Variants in GRIK5 observed in about 807,000 individuals in gnomAD.
GRIK5 encodes the protein glutamate ionotropic receptor kainate type subunit 5, also known as glutamate receptor ionotropic, kainate 5.
In GRIK5, 43 loss-of-function variants were observed where a neutral mutation model predicts 97.4. That is an observed-to-expected ratio of 0.44 (90% CI 0.35 to 0.57). The LOEUF (loss-of-function observed/expected upper bound fraction) is 0.57, where lower values mean the gene tolerates loss of function less well. Ranked by LOEUF, GRIK5 falls within the 20% of genes least tolerant of loss-of-function variation. The pLI is 0.01. For synonymous variants in GRIK5, 580 were observed against 583.5 expected, an observed-to-expected ratio of 0.99 and a Z score of 0.09; for missense variants, 1,015 against 1,382.0, an observed-to-expected ratio of 0.73 and a Z score of 4.21.
Position 42,042,836 on chromosome 19 carries a change from G to T in GRIK5, c.1270-81C>A. The stretch of plus-strand genomic sequence containing the variant: ...CGGATCCTGGAGCCCGGACCAGGCA[G>T]GTAGAGCAGGAATCTGCTTGCTGAG... On this transcript the variant is annotated intron_variant, in intron 11 of 19. Transcript: ENST00000593562. This position sits in a 1 kb window ranked among gnomAD's most constrained non-coding sequence, Gnocchi z 6.9. 2 of 1,039,378 alleles carry T rather than the reference G, an allele frequency of 1.9e-6. No homozygotes were observed. Among genetic ancestry groups the T allele is most frequent in the South Asian group, 1.4e-5 (1 of 69,432 alleles). The allele number at this position is 1,039,378 out of a possible 1,614,324, so 64.4% of individuals were successfully genotyped here. A position where few individuals can be genotyped will look rare whatever the true frequency, so the allele number is the denominator to read the frequency against.
intron 15 of GRIK5, among the ~76,000 whole-genome samples, chr19:42,010,317 C>G (rs1487716863): frequency 1.3e-5 from 2 of 152,070 alleles, no homozygotes; most frequent in African/African-American, 4.8e-5. Context: ...GATGTAAGCT[C>G]CATAAACCCC....
At chr19:42,066,101 G>A (rs2076327652) in intron 1 of GRIK5, among the ~76,000 whole-genome samples, 1 of 152,162 alleles carries the variant, frequency 6.6e-6, no homozygotes. Flanking sequence ...ACCAAAACAG[G>A]AGGGAGGCGT....
chr19:42,012,377 A>G (rs1388467831), intron 15 of GRIK5, among the ~76,000 whole-genome samples: 1 of 152,062 alleles, frequency 6.6e-6, no homozygotes, highest in Non-Finnish European at 1.5e-5. Context: ...CAGCCTCCCG[A>G]GTAGCTGGAA....
At chr19:42,057,233 AGAGATTTTGCTAGAG>A (rs1205531444) in intron 6 of GRIK5, among the ~76,000 whole-genome samples, 2 of 152,184 alleles carry the variant, frequency 1.3e-5, no homozygotes, top group South Asian at 2.1e-4. Flanking sequence ...TTGCTAGAGG[AGAGATTTTGCTAGAG>A]GAGATTTTGC....
chr19:42,056,877 G>A (rs1273250803), intron 7 of GRIK5, 48 bp downstream of exon 7: 3 of 1,611,872 alleles, frequency 1.9e-6, no homozygotes, highest in Non-Finnish European at 2.5e-6. Context: ...TGGGACAGCT[G>A]TGATGGGAAG....
At position 41,999,643 on chromosome 19, in the gene GRIK5, T is replaced by C. The variant is rs992891602; in HGVS notation, c.2515-344A>G. Among the ~76,000 whole-genome samples the C allele has an allele frequency of 9.2e-5, 14 of 152,178 alleles. No individual in the cohort carries two copies. Among genetic ancestry groups the C allele is most frequent in the Non-Finnish European group, 1.9e-4 (13 of 68,042 alleles). ...TTTCCCATCTTCTGCCCCTCATCCATGCGTTCATTATTGCAAGGCATATTT... is the reference window on the plus strand; with the variant it reads ...TTTCCCATCTTCTGCCCCTCATCCACGCGTTCATTATTGCAAGGCATATTT... On this transcript the variant is annotated intron_variant, in intron 19 of 19. Coordinates refer to ENST00000593562, the MANE Select transcript of GRIK5 (RefSeq NM_002088.5). The surrounding 1 kb of genome is among the most constrained non-coding windows in gnomAD (Gnocchi z 5.0).
intron 15 of GRIK5, among the ~76,000 whole-genome samples, chr19:42,012,714 A>G (rs1287273857): frequency 2.6e-5 from 4 of 151,994 alleles, no homozygotes; most frequent in African/African-American, 9.7e-5. Context: ...ATCTCTACAA[A>G]AAGTTAGCCA....
At chr19:42,051,598 T>C (rs80180850) in intron 11 of GRIK5, among the ~76,000 whole-genome samples, 169 of 152,330 alleles carry the variant, frequency 1.1e-3, no homozygotes, top group African/African-American at 3.9e-3. Context: ...TGCTAGGTAT[T>C]AGTCACAGCT....
Position 42,070,178 on chromosome 19 carries a change from G to T in GRIK5, c.-988C>A, listed in dbSNP as rs1288402302. On this transcript the variant is annotated 5_prime_UTR_variant, in exon 1 of 20. Coordinates refer to ENST00000593562, the MANE Select transcript of GRIK5 (RefSeq NM_002088.5). ...GAGGCCGCCGCCTGCCTGCCCGCCT[G>T]CCGCCTGCGCTGGGTCCTGGAGCGC... Among the ~76,000 whole-genome samples the T allele has an allele frequency of 3.9e-5, 6 of 152,084 alleles. No individual in the cohort carries two copies. Among genetic ancestry groups the T allele is most frequent in the Admixed American group, 1.3e-4 (2 of 15,282 alleles).
At chr19:42,019,133 C>T (rs1275763238) in intron 15 of GRIK5, among the ~76,000 whole-genome samples, 1 of 152,122 alleles carries the variant, frequency 6.6e-6, no homozygotes, top group Non-Finnish European at 1.5e-5. Flanking sequence ...GGGCCCCTGG[C>T]TGGGCGGCAG....
At chr19:42,024,784 C>T (rs752048659) in intron 12 of GRIK5, among the ~76,000 whole-genome samples, 29 of 152,302 alleles carry the variant, frequency 1.9e-4, no homozygotes, top group Non-Finnish European at 3.1e-4. Context: ...ACGCCTGAGG[C>T]GCCTGTCCAC....
intron 15 of GRIK5, among the ~76,000 whole-genome samples, chr19:42,018,162 A>AG (rs1346996160): frequency 6.7e-6 from 1 of 149,114 alleles, no homozygotes; most frequent in Admixed American, 6.7e-5. Context: ...AAAAAAAAAA[A>AG]AAAAAAAAAA....
chr19:42,031,524 T>C (rs1434282154), intron 12 of GRIK5, among the ~76,000 whole-genome samples: 3 of 152,208 alleles, frequency 2.0e-5, no homozygotes, highest in Non-Finnish European at 4.4e-5. Context: ...CCTTCTGAGT[T>C]AACCTGGGCT....
intron 12 of GRIK5, among the ~76,000 whole-genome samples, chr19:42,039,538 A>AC (rs1424943917): frequency 6.6e-5 from 10 of 152,102 alleles, no homozygotes; most frequent in Non-Finnish European, 1.5e-4. Context: ...TGAGGCCCAA[A>AC]CCCTTTAGCC....
At chr19:42,024,002 G>T (rs2075736324) in intron 12 of GRIK5, among the ~76,000 whole-genome samples, 1 of 152,134 alleles carries the variant, frequency 6.6e-6, no homozygotes, top group South Asian at 2.1e-4. Context: ...CATATCTTCT[G>T]TCTTGCCAGC....
chr19:42,029,592 A>G (rs1418269540), intron 12 of GRIK5, among the ~76,000 whole-genome samples: 1 of 152,084 alleles, frequency 6.6e-6, no homozygotes, highest in East Asian at 1.9e-4. Context: ...ACAAACAAAA[A>G]AACCCTAGAG....
intron 11 of GRIK5, among the ~76,000 whole-genome samples, chr19:42,050,612 C>G (rs111404778): frequency 6.7e-6 from 1 of 149,256 alleles, no homozygotes. Flanking sequence ...GAGCCGAGAT[C>G]GCGCCACTGC....
At chr19:42,044,974 G>A (rs2015917277) in intron 11 of GRIK5, among the ~76,000 whole-genome samples, 1 of 152,188 alleles carries the variant, frequency 6.6e-6, no homozygotes, top group Admixed American at 6.5e-5. Flanking sequence ...TGGTTATTGT[G>A]TATTGAGAAA....
At chr19:42,041,166 T>G (rs1386039891) in intron 12 of GRIK5, among the ~76,000 whole-genome samples, 1 of 152,208 alleles carries the variant, frequency 6.6e-6, no homozygotes, top group East Asian at 1.9e-4. Context: ...GGCCCTCTCA[T>G]GTCTTCCCTC....
Sources: allele counts gnomAD v4.1 joint callset (sites outside exome capture counted in the v4.1 genomes callset), GRCh38; gene constraint gnomAD v4.1.1; non-coding constraint Gnocchi (gnomAD v3.1); transcripts MANE v1.5; gene names NCBI Gene and HGNC (gene_info 2026-07-23, HGNC 2026-07-21).